The following PTPRC variants were observed in gnomAD, a reference collection of about 807,000 sequenced individuals.
PTPRC encodes the protein receptor-type tyrosine-protein phosphatase C.
Under a neutral mutation model 155.9 loss-of-function variants are expected in PTPRC, and 44 were observed. That is an observed-to-expected ratio of 0.28 (90% CI 0.22 to 0.36). The LOEUF (loss-of-function observed/expected upper bound fraction) is 0.36, where lower values mean the gene tolerates loss of function less well. Ranked by LOEUF, PTPRC falls within the 10% of genes least tolerant of loss-of-function variation. The probability of loss-of-function intolerance (pLI) is 1.00; values close to 1 mark genes in which losing one functional copy is unlikely to be tolerated. For missense variants in PTPRC, 1,401 were observed against 1,564.6 expected (o/e 0.90, Z 1.76); for synonymous variants, 525 against 533.1 (o/e 0.98, Z 0.21).
intron 31 of PTPRC, among the ~76,000 whole-genome samples, chr1:198,753,961 T>C (rs1338477021): frequency 6.6e-6 from 1 of 152,098 alleles, no homozygotes; most frequent in African/African-American, 2.4e-5. Context: ...CATTCTGATA[T>C]TGGTTTCAAC....
At position 198,734,404 on chromosome 1, in the gene PTPRC, T is replaced by C. The variant is rs1226745568; in HGVS notation, c.2256T>C (p.Thr752=). The C allele has an allele frequency of 6.2e-7, 1 of 1,611,046 alleles. No homozygotes were observed. Among genetic ancestry groups the C allele is most frequent in the Non-Finnish European group, 8.5e-7 (1 of 1,177,830 alleles). The change falls in exon 22 of 33, where the codon ACT becomes ACC. Residue 752 remains threonine, a synonymous_variant. Coordinates refer to ENST00000442510, the MANE Select transcript of PTPRC (RefSeq NM_002838.5). ...EQKATVIVMV[T]RCEEGNRNKC... is the part of the protein sequence containing the mutation. ...AAGCCACAGTTATTGTCATGGTCAC[T>C]CGATGTGAAGAAGGAAACAGGGTAA...
At chr1:198,753,845 G>A (rs577275202) in intron 31 of PTPRC, among the ~76,000 whole-genome samples, 2 of 152,144 alleles carry the variant, frequency 1.3e-5, no homozygotes, top group African/African-American at 4.8e-5. Flanking sequence ...GCAGAAGAGT[G>A]AAGAAGAGCA....
In PTPRC at chr1:198,729,125, C is replaced by T; in HGVS notation, c.1830-12C>T. 1 of 1,609,372 alleles carries T rather than the reference C, an allele frequency of 6.2e-7. No individual in the cohort carries two copies. The highest frequency in any genetic ancestry group is 8.5e-7 in the Non-Finnish European group (1 of 1,177,574). On this transcript the variant is annotated splice_polypyrimidine_tract_variant and intron_variant, in intron 16 of 32. Transcript: ENST00000442510. Reference sequence around the variant, plus strand: ...TTGAGAATATAGAAACTTATTTTTCCTATTTTCACAGCAATTTAGATGAAC... The same window carrying T: ...TTGAGAATATAGAAACTTATTTTTCTTATTTTCACAGCAATTTAGATGAAC...
At chr1:198,742,401 T>C (rs1654945262) in intron 25 of PTPRC, 34 bp downstream of exon 25, 5 of 1,609,904 alleles carry the variant, frequency 3.1e-6, no homozygotes, top group Non-Finnish European at 4.2e-6. Context: ...ATTCTCACTT[T>C]GGTTTTTTGG....
chr1:198,672,573 G>A (rs747449367), intron 2 of PTPRC, among the ~76,000 whole-genome samples: 1 of 151,846 alleles, frequency 6.6e-6, no homozygotes, highest in African/African-American at 2.4e-5. Context: ...GGGTTCAAGC[G>A]ACTCTCCTGT....
intron 5 of PTPRC, among the ~76,000 whole-genome samples, chr1:198,701,981 T>G (rs1571849732): frequency 6.6e-6 from 1 of 152,254 alleles, no homozygotes; most frequent in East Asian, 1.9e-4. Flanking sequence ...CACTTCCTCC[T>G]GTGCCAACCT....
intron 31 of PTPRC, among the ~76,000 whole-genome samples, chr1:198,753,110 C>T (rs1427494327): frequency 2.0e-5 from 3 of 151,924 alleles, no homozygotes; most frequent in African/African-American, 7.2e-5. Context: ...AGATGGGTAT[C>T]ACCTTACACA....
chr1:198,648,817 G>A (rs1186931061), intron 2 of PTPRC, among the ~76,000 whole-genome samples: 1 of 151,806 alleles, frequency 6.6e-6, no homozygotes, highest in Non-Finnish European at 1.5e-5. Context: ...TCTGTCTTGA[G>A]GTGAGTGATA....
intron 11 of PTPRC, among the ~76,000 whole-genome samples, chr1:198,710,505 C>T (rs554200914): frequency 3.3e-4 from 50 of 152,302 alleles, no homozygotes; most frequent in African/African-American, 1.1e-3. Flanking sequence ...TGCATTGAAT[C>T]TGTGGATAAA....
intron 2 of PTPRC, among the ~76,000 whole-genome samples, chr1:198,673,568 A>G (rs1211721081): frequency 6.6e-6 from 1 of 152,196 alleles, no homozygotes; most frequent in Non-Finnish European, 1.5e-5. Context: ...TATTGAGTAA[A>G]TGAAGAGGAA....
intron 23 of PTPRC, among the ~76,000 whole-genome samples, chr1:198,737,238 T>C (rs2102499357): frequency 6.6e-6 from 1 of 151,806 alleles, no homozygotes; most frequent in Non-Finnish European, 1.5e-5. Context: ...CCTGTGCTTG[T>C]GGGGTATTGT....
At chr1:198,699,459 C>G in intron 4 of PTPRC, 105 bp from the exon 5 acceptor site, 9 of 1,329,228 alleles carry the variant, frequency 6.8e-6, no homozygotes, top group African/African-American at 1.4e-5. Flanking sequence ...AGTTACTTCA[C>G]AGTTTGGTAA....
rs1653703157 is a variant in PTPRC, at chr1:198,718,321, C to T, written c.1659+19C>T. On this transcript the variant is annotated intron_variant, in intron 14 of 32. Coordinates refer to ENST00000442510, the MANE Select transcript of PTPRC (RefSeq NM_002838.5). ...TTTTAAGGTAAAAGTATGCTCTCTA[C>T]ATTACTATAGTACCAACTACATTAT... 3.2e-6 allele frequency: 5 copies of T among 1,561,988 alleles called. No individual in the cohort carries two copies. Among genetic ancestry groups the T allele is most frequent in the Admixed American group, 1.7e-5 (1 of 59,106 alleles).
intron 14 of PTPRC, among the ~76,000 whole-genome samples, chr1:198,721,536 G>A (rs1255345233): frequency 1.3e-5 from 2 of 152,008 alleles, no homozygotes; most frequent in Non-Finnish European, 2.9e-5. Context: ...TAATGAGTCT[G>A]TAGTTATAAT....
intron 2 of PTPRC, among the ~76,000 whole-genome samples, chr1:198,676,197 G>A (rs1229210084): frequency 1.3e-5 from 2 of 152,128 alleles, no homozygotes; most frequent in Non-Finnish European, 2.9e-5. Context: ...AGTATTGGAC[G>A]CCACAATCTT....
chr1:198,652,619 A>C (rs1465344791), intron 2 of PTPRC, among the ~76,000 whole-genome samples: 3 of 151,230 alleles, frequency 2.0e-5, no homozygotes, highest in Admixed American at 1.3e-4. Flanking sequence ...TGAAAGAAAT[A>C]GCATTCCATC....
chr1:198,707,966 AAATCCCT>A lies in PTPRC; in HGVS notation c.905-165_905-159del, dbSNP rs146219224. Among the ~76,000 whole-genome samples, 413 of 152,338 alleles carry A rather than the reference AAATCCCT, an allele frequency of 2.7e-3. 1 individual carries two copies. Among genetic ancestry groups the A allele is most frequent in the African/African-American group, 8.3e-3 (344 of 41,576 alleles). ...TAATAAAGTAAATAATAAAAGAAAC[AAATCCCT>A]AGAGTTATTAGACTTTTCCCATAGC... is the stretch of plus-strand genomic sequence containing the variant. On this transcript the variant is annotated intron_variant, in intron 9 of 32. Coordinates refer to ENST00000442510, the MANE Select transcript of PTPRC (RefSeq NM_002838.5).
chr1:198,718,032 T>A, intron 13 of PTPRC, 62 bp from the exon 14 acceptor site: 1 of 1,328,766 alleles, frequency 7.5e-7, no homozygotes, highest in East Asian at 2.4e-5. Context: ...CCAAGTATTG[T>A]CAAGTAATTT....
intron 3 of PTPRC, among the ~76,000 whole-genome samples, chr1:198,696,185 T>TAG (rs960669664): frequency 2.7e-5 from 4 of 148,320 alleles, no homozygotes; most frequent in African/African-American, 9.9e-5. Flanking sequence ...TATATATATA[T>TAG]AGATAGATAT....
Sources: allele counts gnomAD v4.1 joint callset (sites outside exome capture counted in the v4.1 genomes callset), GRCh38; gene constraint gnomAD v4.1.1; transcripts MANE v1.5; gene names NCBI Gene and HGNC (gene_info 2026-07-23, HGNC 2026-07-21).